Variants in MATCAP2 observed in about 807,000 individuals in gnomAD.
The protein encoded by MATCAP2 is microtubule associated tyrosine carboxypeptidase 2, also known as putative tyrosine carboxypeptidase MATCAP2.
the MATCAP2 span, among the ~76,000 whole-genome samples, chr7:36,384,864 G>GA: frequency 0.013 from 1,706 of 127,352 alleles, 29 homozygotes; most frequent in African/African-American, 0.045. Context: ...ATAGTGAAAA[G>GA]AAAAAAAAAA....
At chr7:36,381,803 G>A in the MATCAP2 span, among the ~76,000 whole-genome samples, 1 of 152,134 alleles carries the variant, frequency 6.6e-6, no homozygotes, top group Non-Finnish European at 1.5e-5. Context: ...GTCAGACTCT[G>A]AGAAGCAGGA....
At chr7:36,334,535 C>CAAAAAAAA in the MATCAP2 span, among the ~76,000 whole-genome samples, 1 of 49,522 alleles carries the variant, frequency 2.0e-5, no homozygotes, top group South Asian at 1.2e-3. Context: ...GATCCCATCT[C>CAAAAAAAA]AAAAAAAAAA....
the MATCAP2 span, chr7:36,357,122 T>C: frequency 6.2e-7 from 1 of 1,614,192 alleles, no homozygotes. Context: ...AGGCTTTGGC[T>C]TTGGAAGAGT....
the MATCAP2 span, chr7:36,333,989 G>A: frequency 2.5e-6 from 4 of 1,614,098 alleles, no homozygotes; most frequent in Non-Finnish European, 2.5e-6. Flanking sequence ...GATAAACAGT[G>A]TAGTAGAGGA....
At chr7:36,389,962 C>T in the MATCAP2 span, 1 of 1,614,038 alleles carries the variant, frequency 6.2e-7, no homozygotes, top group East Asian at 2.2e-5. Flanking sequence ...TGAGCTGAGA[C>T]TCACTTTTCT....
chr7:36,326,764 A>G, the MATCAP2 span: 1 of 1,612,720 alleles, frequency 6.2e-7, no homozygotes, highest in South Asian at 1.1e-5. Flanking sequence ...TAATTACTAT[A>G]TAAGATCTTT....
chr7:36,333,885 T>C, the MATCAP2 span: 1 of 1,613,706 alleles, frequency 6.2e-7, no homozygotes, highest in Non-Finnish European at 8.5e-7. Flanking sequence ...CCATCCCCTC[T>C]TGGCCCGTAC....
At chr7:36,342,495 C>G in the MATCAP2 span, among the ~76,000 whole-genome samples, 1 of 152,142 alleles carries the variant, frequency 6.6e-6, no homozygotes, top group Non-Finnish European at 1.5e-5. Context: ...GGAGCCTGGA[C>G]CAGGAAGCTT....
chr7:36,349,752 A>AG, the MATCAP2 span, among the ~76,000 whole-genome samples: 1 of 152,252 alleles, frequency 6.6e-6, no homozygotes, highest in Non-Finnish European at 1.5e-5. Flanking sequence ...GACTTTGTTA[A>AG]GGTAAGAACC....
the MATCAP2 span, chr7:36,389,825 C>A: frequency 6.2e-6 from 6 of 975,398 alleles, no homozygotes; most frequent in Non-Finnish European, 7.5e-6. Context: ...GCTCGCGGCT[C>A]GGCGCTGAAA....
the MATCAP2 span, chr7:36,357,495 A>T: frequency 6.2e-7 from 1 of 1,614,110 alleles, no homozygotes; most frequent in Non-Finnish European, 8.5e-7. Context: ...CCCGAGGACA[A>T]ATGTGAAATG....
the MATCAP2 span, among the ~76,000 whole-genome samples, chr7:36,354,669 A>G: frequency 6.6e-6 from 1 of 152,346 alleles, no homozygotes; most frequent in Middle Eastern, 3.4e-3. Flanking sequence ...GAATTTAAGT[A>G]TATTTTCCCA....
chr7:36,336,391 G>A, the MATCAP2 span: 4 of 992,700 alleles, frequency 4.0e-6, no homozygotes, highest in Non-Finnish European at 4.2e-6. Flanking sequence ...CCTATTCTAG[G>A]TTTATTGATT....
chr7:36,386,128 C>T, the MATCAP2 span, among the ~76,000 whole-genome samples: 1 of 151,690 alleles, frequency 6.6e-6, no homozygotes, highest in Admixed American at 6.6e-5. Context: ...GCACTCCAGC[C>T]TTGGCGAAAG....
the MATCAP2 span, among the ~76,000 whole-genome samples, chr7:36,375,907 T>C: frequency 2.1e-4 from 32 of 152,362 alleles, no homozygotes; most frequent in East Asian, 6.0e-3. Flanking sequence ...TGATGGTAGT[T>C]TGTATTTCTG....
chr7:36,339,625 T>A, the MATCAP2 span, among the ~76,000 whole-genome samples: 3 of 152,200 alleles, frequency 2.0e-5, no homozygotes, highest in Non-Finnish European at 2.9e-5. Context: ...AATTAGCATA[T>A]AATTAAAAAC....
chr7:36,389,817 T>A, the MATCAP2 span: 2 of 929,046 alleles, frequency 2.2e-6, no homozygotes, highest in Non-Finnish European at 3.2e-6. Context: ...GCGCGCATGC[T>A]CGCGGCTCGG....
the MATCAP2 span, among the ~76,000 whole-genome samples, chr7:36,389,580 T>C: frequency 6.6e-6 from 1 of 152,036 alleles, no homozygotes; most frequent in African/African-American, 2.4e-5. Context: ...ACGCGGTTGG[T>C]GTGAAGCAAT....
the MATCAP2 span, among the ~76,000 whole-genome samples, chr7:36,336,506 C>T: frequency 3.3e-5 from 5 of 152,170 alleles, no homozygotes; most frequent in African/African-American, 4.8e-5. Context: ...GCAATACGAA[C>T]TCTTCCCCTG....
Sources: allele counts gnomAD v4.1 joint callset (sites outside exome capture counted in the v4.1 genomes callset), GRCh38; gene constraint gnomAD v4.1.1; transcripts MANE v1.5; gene names NCBI Gene and HGNC (gene_info 2026-07-23, HGNC 2026-07-21).